The following GOLIM4 variants were observed in gnomAD, a reference collection of about 807,000 sequenced individuals.
GOLIM4 encodes golgi integral membrane protein 4, also known as 130 kDa golgi-localized phosphoprotein.
Under a neutral mutation model 107.4 loss-of-function variants are expected in GOLIM4, and 71 were observed. The ratio of observed to expected loss-of-function variants is 0.66; its 90% CI spans 0.55 to 0.81. The LOEUF (loss-of-function observed/expected upper bound fraction) is 0.81, where lower values mean the gene tolerates loss of function less well. Among genes scored for constraint, GOLIM4 ranks in the 30% least tolerant of loss-of-function variants. The pLI, the probability that GOLIM4 is intolerant of heterozygous loss-of-function variation, is 0.00. For missense variants in GOLIM4, 830 were observed against 826.1 expected, an observed-to-expected ratio of 1.00 and a Z score of -0.06; for synonymous variants, 327 against 294.8, an observed-to-expected ratio of 1.11 and a Z score of -1.12.
chr3:168,042,504 C>T (rs1719073913), intron 5 of GOLIM4, among the ~76,000 whole-genome samples: 1 of 152,202 alleles, frequency 6.6e-6, no homozygotes, highest in African/African-American at 2.4e-5. Flanking sequence ...TGGTCTCGAA[C>T]TCCTGACCTC....
chr3:168,027,637 TG>T, intron 12 of GOLIM4, 90 bp downstream of exon 12: 1 of 769,942 alleles, frequency 1.3e-6, no homozygotes, highest in South Asian at 1.5e-5. Flanking sequence ...CAGAAATATC[TG>T]GGGCTGAAGG....
intron 14 of GOLIM4, among the ~76,000 whole-genome samples, chr3:168,021,623 C>T: frequency 6.6e-6 from 1 of 151,926 alleles, no homozygotes; most frequent in East Asian, 1.9e-4. Flanking sequence ...CCGAGATCAC[C>T]TCATTGCACT....
At chr3:168,068,536 A>T (rs1435502462) in intron 1 of GOLIM4, among the ~76,000 whole-genome samples, 1 of 152,108 alleles carries the variant, frequency 6.6e-6, no homozygotes, top group Non-Finnish European at 1.5e-5. Flanking sequence ...TTTTCTGCAT[A>T]TCCAGTAAGA....
At chr3:168,077,214 T>C (rs538508898) in intron 1 of GOLIM4, among the ~76,000 whole-genome samples, 1 of 152,334 alleles carries the variant, frequency 6.6e-6, no homozygotes, top group South Asian at 2.1e-4. Flanking sequence ...CTCACTACTG[T>C]AATGATACAT....
At chr3:168,054,971 T>C (rs1002487310) in intron 1 of GOLIM4, among the ~76,000 whole-genome samples, 12 of 152,318 alleles carry the variant, frequency 7.9e-5, no homozygotes, top group African/African-American at 2.6e-4. Context: ...TCTGCTGCCA[T>C]GTGAGACGTA....
intron 3 of GOLIM4, among the ~76,000 whole-genome samples, 183 bp downstream of exon 3, chr3:168,046,767 G>A (rs1381735334): frequency 6.6e-6 from 1 of 150,396 alleles, no homozygotes; most frequent in Non-Finnish European, 1.5e-5. Context: ...GATAAGTAAA[G>A]GTAAGTTTAA....
At chr3:168,012,035 G>A (rs933991518) in intron 14 of GOLIM4, among the ~76,000 whole-genome samples, 2 of 131,720 alleles carry the variant, frequency 1.5e-5, no homozygotes, top group African/African-American at 7.8e-5. Context: ...GAACAAAGCT[G>A]GATGGAGAAT....
intron 1 of GOLIM4, among the ~76,000 whole-genome samples, chr3:168,063,686 T>C (rs1347257871): frequency 1.5e-5 from 2 of 133,750 alleles, no homozygotes; most frequent in Admixed American, 8.2e-5. Context: ...ATATAAGAGT[T>C]ATCCTTTCTT....
intron 4 of GOLIM4, 133 bp from the exon 5 acceptor site, chr3:168,043,662 T>C: frequency 1.6e-6 from 1 of 609,924 alleles, no homozygotes; most frequent in Admixed American, 3.4e-5. Context: ...GCTTTGTTTT[T>C]CTCAAGTTGC....
intron 8 of GOLIM4, among the ~76,000 whole-genome samples, chr3:168,033,272 T>C (rs1288675838): frequency 6.6e-6 from 1 of 151,912 alleles, no homozygotes; most frequent in Non-Finnish European, 1.5e-5. Flanking sequence ...AATTGAGGAG[T>C]TGGGTTTAGT....
At chr3:168,092,230 T>C (rs1721951401) in intron 1 of GOLIM4, among the ~76,000 whole-genome samples, 1 of 152,218 alleles carries the variant, frequency 6.6e-6, no homozygotes, top group Non-Finnish European at 1.5e-5. Flanking sequence ...CACCAGTATG[T>C]GACCTCTGTC....
chr3:168,082,089 C>G (rs1410990424), intron 1 of GOLIM4, among the ~76,000 whole-genome samples: 5 of 152,148 alleles, frequency 3.3e-5, no homozygotes, highest in African/African-American at 1.2e-4. Flanking sequence ...AGCAGTGGTT[C>G]TTAACCTTTT....
intron 1 of GOLIM4, among the ~76,000 whole-genome samples, chr3:168,071,971 T>G (rs889686062): frequency 3.3e-5 from 5 of 152,122 alleles, no homozygotes; most frequent in African/African-American, 1.2e-4. Flanking sequence ...TAAATCTGCT[T>G]CTGGGCGTCA....
chr3:168,088,472 G>C (rs1721736135), intron 1 of GOLIM4, among the ~76,000 whole-genome samples: 1 of 152,190 alleles, frequency 6.6e-6, no homozygotes. Flanking sequence ...TTGCAAGTTA[G>C]ACATTGCTAA....
intron 1 of GOLIM4, among the ~76,000 whole-genome samples, chr3:168,086,239 T>C (rs1384632030): frequency 6.6e-6 from 1 of 152,100 alleles, no homozygotes; most frequent in East Asian, 1.9e-4. Flanking sequence ...ATATTATTTA[T>C]TAATAAATCT....
intron 12 of GOLIM4, among the ~76,000 whole-genome samples, chr3:168,026,660 T>C (rs1389261996): frequency 6.6e-6 from 1 of 152,202 alleles, no homozygotes; most frequent in Admixed American, 6.5e-5. Flanking sequence ...GTACACTTGC[T>C]TTCTTGCTCT....
chr3:168,014,454 C>A (rs895915358), intron 14 of GOLIM4, among the ~76,000 whole-genome samples: 1 of 130,642 alleles, frequency 7.7e-6, no homozygotes, highest in Non-Finnish European at 1.5e-5. Context: ...CGAATTCTAC[C>A]AGAGGTACAA....
intron 7 of GOLIM4, 68 bp downstream of exon 7, chr3:168,040,718 G>T: frequency 1.0e-6 from 1 of 964,144 alleles, no homozygotes; most frequent in Non-Finnish European, 1.7e-6. Flanking sequence ...GAGACTACAT[G>T]CATAAAGGAA....
intron 14 of GOLIM4, among the ~76,000 whole-genome samples, chr3:168,013,877 C>T (rs571983605): frequency 8.0e-5 from 12 of 150,094 alleles, no homozygotes; most frequent in South Asian, 2.2e-4. Flanking sequence ...ATCTCTGGGA[C>T]GCATTCAAAG....
Sources: allele counts gnomAD v4.1 joint callset (sites outside exome capture counted in the v4.1 genomes callset), GRCh38; gene constraint gnomAD v4.1.1; transcripts MANE v1.5; gene names NCBI Gene and HGNC (gene_info 2026-07-23, HGNC 2026-07-21).